Variants in TNS2 observed in about 807,000 individuals in gnomAD.
TNS2 encodes the protein tensin 2, also known as tensin-2.
A neutral mutation model predicts 155.7 loss-of-function variants in TNS2; 77 were observed. The observed-to-expected ratio is 0.49, with a 90% CI of 0.41 to 0.60. The LOEUF is 0.60. TNS2 is among the 20% of genes least tolerant of loss of function. TNS2 has a pLI of 0.00. For synonymous variants in TNS2, 726 were observed against 763.9 expected, an observed-to-expected ratio of 0.95 and a Z score of 0.82; for missense variants, 1,703 against 1,868.8, an observed-to-expected ratio of 0.91 and a Z score of 1.64.
rs1382079772 is a variant in TNS2, at chr12:53,062,184, C to T, written c.3606C>T (p.Phe1202=). Residue 1202 remains phenylalanine (F), a synonymous_variant, in exon 23 of 29, where the codon TTC becomes TTT. Transcript: ENST00000314250. ...CCGTGGAACAGCTGGTCCGCCATTT[C>T]CTCATCGAGACTGGGCCCAAAGGGG... ...GDPVEQLVRH[F]LIETGPKGVK... The T allele has an allele frequency of 6.2e-7, 1 of 1,614,032 alleles. No homozygotes were observed. Among genetic ancestry groups the T allele is most frequent in the Non-Finnish European group, 8.5e-7 (1 of 1,180,026 alleles).
chr12:53,063,099 G>A lies in TNS2; in HGVS notation c.3834G>A (p.Val1278=). 6.4e-7 allele frequency: 1 copy of A among 1,552,206 alleles called. No homozygotes were observed. The highest frequency in any genetic ancestry group is 8.7e-7 in the Non-Finnish European group (1 of 1,151,328). The change falls in exon 26 of 29, where the codon GTG becomes GTA. Residue 1278 remains valine (V), a synonymous_variant. Coordinates refer to ENST00000314250, the MANE Select transcript of TNS2 (RefSeq NM_170754.4). This position sits in a 1 kb window ranked among gnomAD's most constrained non-coding sequence, Gnocchi z 5.6. ...TCCCTGCCCCTGTAGCCTGCAGCGT[G>A]CTCTACTTGACCTCAGTGGAGACAG... ...DLLRQGAACS[V]LYLTSVETES...
intron 8 of TNS2, 99 bp from the exon 9 acceptor site, chr12:53,055,469 C>G (rs1358259394): frequency 6.9e-7 from 1 of 1,440,602 alleles, no homozygotes; most frequent in Non-Finnish European, 9.4e-7. Flanking sequence ...AGACCCCCAG[C>G]CTTGCCCCCG....
Position 53,063,672 on chromosome 12 carries a change from G to A in TNS2, c.4092-72G>A. 1.2e-6 allele frequency: 2 copies of A among 1,614,126 alleles called. No homozygotes were observed. Among genetic ancestry groups the A allele is most frequent in the Non-Finnish European group, 1.7e-6 (2 of 1,179,996 alleles). ...TCCTCTCAATGCTGGCATTTGATTTGTCTCACCAAGGCCAGCTACATTCCC... is the reference window on the plus strand; with the variant it reads ...TCCTCTCAATGCTGGCATTTGATTTATCTCACCAAGGCCAGCTACATTCCC... On this transcript the variant is annotated intron_variant, in intron 28 of 28. Coordinates refer to ENST00000314250, the MANE Select transcript of TNS2 (RefSeq NM_170754.4). This position sits in a 1 kb window ranked among gnomAD's most constrained non-coding sequence, Gnocchi z 5.6.
chr12:53,062,534 C>T, intron 24 of TNS2, 81 bp downstream of exon 24: 1 of 1,607,178 alleles, frequency 6.2e-7, no homozygotes, highest in Non-Finnish European at 8.5e-7. Context: ...TGGCTCCCCG[C>T]CTTCCCTTGG....
chr12:53,061,527 G>A (rs1343463303), intron 21 of TNS2, 58 bp downstream of exon 21: 1 of 1,578,270 alleles, frequency 6.3e-7, no homozygotes, highest in Non-Finnish European at 8.7e-7. Flanking sequence ...TGTCTGTCTT[G>A]GCTTTAAGTC....
chr12:53,061,962 G>C, intron 22 of TNS2, 22 bp downstream of exon 22: 1 of 1,609,594 alleles, frequency 6.2e-7, no homozygotes, highest in Non-Finnish European at 8.5e-7. Context: ...CCAAACCTGA[G>C]TGGGGTGGGG....
chr12:53,055,316 G>A lies in TNS2; in HGVS notation c.573+80G>A, dbSNP rs1944108310. On this transcript the variant is annotated intron_variant, in intron 8 of 28. Transcript: ENST00000314250. The stretch of plus-strand genomic sequence containing the variant: ...GCCCCCAGCTTCCTCGTTATTAATA[G>A]TAGCAATTGGCATCTACTTCACTCT... 3 of 1,482,764 alleles carry A rather than the reference G, an allele frequency of 2.0e-6. No homozygotes were observed. In the Admixed American group the frequency reaches 5.6e-5, roughly 28 times the overall value. 91.9% of individuals were successfully genotyped at this position (1,482,764 alleles called of 1,614,324 possible). A position where few individuals can be genotyped will look rare whatever the true frequency, so the allele number is the denominator to read the frequency against.
intron 7 of TNS2, among the ~76,000 whole-genome samples, chr12:53,054,667 T>C (rs1944076626): frequency 6.6e-6 from 1 of 151,998 alleles, no homozygotes; most frequent in African/African-American, 2.4e-5. Flanking sequence ...ACCTTTTTAT[T>C]TTCTTTATTT....
chr12:53,063,684 C>T lies in TNS2; in HGVS notation c.4092-60C>T. ...TGGCATTTGATTTGTCTCACCAAGG[C>T]CAGCTACATTCCCTTGTGGAAGGAA... On this transcript the variant is annotated intron_variant, in intron 28 of 28. Coordinates refer to ENST00000314250, the MANE Select transcript of TNS2 (RefSeq NM_170754.4). This position sits in a 1 kb window ranked among gnomAD's most constrained non-coding sequence, Gnocchi z 5.6. The T allele has an allele frequency of 6.2e-7, 1 of 1,614,132 alleles. No homozygotes were observed. Among genetic ancestry groups the T allele is most frequent in the Non-Finnish European group, 8.5e-7 (1 of 1,179,994 alleles).
chr12:53,058,273 G>C (rs373020198), intron 14 of TNS2, 43 bp from the exon 15 acceptor site: 147 of 1,609,724 alleles, frequency 9.1e-5, no homozygotes, highest in Non-Finnish European at 1.2e-4. Flanking sequence ...AAGCGCAGAA[G>C]AGGACATGAG....
At chr12:53,052,936 T>C (rs991740919) in intron 3 of TNS2, among the ~76,000 whole-genome samples, 1 of 151,816 alleles carries the variant, frequency 6.6e-6, no homozygotes, top group Admixed American at 6.6e-5. Context: ...CCTTTCCAGG[T>C]ATAAGCTGTG....
Position 53,064,058 on chromosome 12 carries a change from G to C in TNS2, c.*176G>C. ...TCCTTCCCCGCCCCCAGCCTGCTAA[G>C]TTAAGTGGACAGGCCCACAAGATGA... On this transcript the variant is annotated 3_prime_UTR_variant, in exon 29 of 29. Transcript: ENST00000314250. 1.4e-6 allele frequency: 1 copy of C among 693,862 alleles called. No individual in the cohort carries two copies. Among genetic ancestry groups the C allele is most frequent in the Non-Finnish European group, 2.4e-6 (1 of 424,168 alleles). 43.0% of individuals were successfully genotyped at this position (693,862 alleles called of 1,614,324 possible).
At chr12:53,058,540 G>A in intron 15 of TNS2, 32 bp from the exon 16 acceptor site, 1 of 1,613,952 alleles carries the variant, frequency 6.2e-7, no homozygotes. Context: ...TATGGGCCAG[G>A]GGCCTGGTTC....
Position 53,063,371 on chromosome 12 carries a change from C to A in TNS2, c.4015C>A (p.Pro1339Thr). ...QRKLFFRRHY[P>T]VNSITFSSTD... The stretch of plus-strand genomic sequence containing the variant: ...CAGGCTCTTCTTTCGCCGCCATTAT[C>A]CAGTGAACAGCATCACCTTCTCCAG... The change falls in exon 27 of 29, where the codon CCA becomes ACA. Residue 1339 changes from proline to threonine, a missense_variant. Coordinates refer to ENST00000314250, the MANE Select transcript of TNS2 (RefSeq NM_170754.4). The surrounding 1 kb of genome is among the most constrained non-coding windows in gnomAD (Gnocchi z 5.6). 1 of 1,614,106 alleles carries A rather than the reference C, an allele frequency of 6.2e-7. No homozygotes were observed. Among genetic ancestry groups the A allele is most frequent in the Non-Finnish European group, 8.5e-7 (1 of 1,179,994 alleles).
intron 10 of TNS2, among the ~76,000 whole-genome samples, chr12:53,056,709 G>A (rs1944172109): frequency 1.3e-5 from 2 of 152,138 alleles, no homozygotes. Context: ...GTCTGCAACG[G>A]CCCTATTTCC....
rs1944141773 is a variant in TNS2 at position 53,056,008 on chromosome 12, G to C, written c.761+163G>C. ...TATCACTAGTACTGCAACATAGTCT[G>C]CAGCAGATGGTCTGTAGAGTTTCCT... On this transcript the variant is annotated intron_variant, in intron 10 of 28. Coordinates refer to ENST00000314250, the MANE Select transcript of TNS2 (RefSeq NM_170754.4). 5.8e-6 allele frequency: 4 copies of C among 695,386 alleles called. No homozygotes were observed. In the East Asian group the frequency reaches 1.1e-4, roughly 19 times the overall value. 43.1% of individuals were successfully genotyped at this position (695,386 alleles called of 1,614,324 possible).
At chr12:53,048,460 C>G (rs1356783502), upstream of TNS2, among the ~76,000 whole-genome samples, 1 of 152,230 alleles carries the variant, frequency 6.6e-6, no homozygotes, top group Middle Eastern at 3.2e-3. Context: ...CCCCCACTGC[C>G]CACCTTGTCA....
Position 53,064,076 on chromosome 12 carries a change from C to A in TNS2, c.*194C>A. The A allele has an allele frequency of 1.6e-6, 1 of 627,362 alleles. No individual in the cohort carries two copies. Among genetic ancestry groups the A allele is most frequent in the East Asian group, 2.8e-5 (1 of 35,762 alleles). 38.9% of individuals were successfully genotyped at this position (627,362 alleles called of 1,614,324 possible). ...CTGCTAAGTTAAGTGGACAGGCCCA[C>A]AAGATGACCTTGCATGTGAGCAGAT... On this transcript the variant is annotated 3_prime_UTR_variant, in exon 29 of 29. Coordinates refer to ENST00000314250, the MANE Select transcript of TNS2 (RefSeq NM_170754.4).
chr12:53,059,946 T>G lies in TNS2; in HGVS notation c.2305T>G (p.Ser769Ala), dbSNP rs759529631. The G allele has an allele frequency of 6.2e-7, 1 of 1,612,498 alleles. No homozygotes were observed. Among genetic ancestry groups the G allele is most frequent in the Admixed American group, 1.7e-5 (1 of 59,974 alleles). Residue 769 changes from serine (S) to alanine (A), a missense_variant, in exon 18 of 29, where the codon TCC (serine) becomes GCC (alanine). Transcript: ENST00000314250. The surrounding 1 kb of genome is among the most constrained non-coding windows in gnomAD (Gnocchi z 4.7). ...AGGCGAGGAAGGGCACGAGGGCTGC[T>G]CCTACACCATGTGCCCCGAAGGCAG... ...KAGEEGHEGC[S>A]YTMCPEGRYG...
Sources: gnomAD v4.1 joint callset for allele counts (sites outside exome capture counted in the v4.1 genomes callset) on GRCh38, gnomAD v4.1.1 for gene constraint, Gnocchi (gnomAD v3.1) non-coding constraint, MANE v1.5 for transcripts, NCBI Gene and HGNC (gene_info 2026-07-23, HGNC 2026-07-21) for gene names.